The following SEC23A variants were observed in gnomAD, a reference collection of about 807,000 sequenced individuals.
SEC23A encodes the protein protein transport protein Sec23A.
In SEC23A, 56 loss-of-function variants were observed where a neutral mutation model predicts 103.7. The ratio of observed to expected loss-of-function variants is 0.54; its 90% CI spans 0.44 to 0.67. The LOEUF is 0.67. Among genes scored for constraint, SEC23A ranks in the 30% least tolerant of loss-of-function variants. The pLI, the probability that SEC23A is intolerant of heterozygous loss-of-function variation, is 0.00. For missense variants in SEC23A, 784 were observed against 936.4 expected (o/e 0.84, Z 2.12); for synonymous variants, 281 against 293.0 (o/e 0.96, Z 0.42).
At chr14:39,078,599 T>C (rs1887120121) in intron 7 of SEC23A, among the ~76,000 whole-genome samples, 1 of 152,130 alleles carries the variant, frequency 6.6e-6, no homozygotes, top group Non-Finnish European at 1.5e-5. Flanking sequence ...GGTCTTTGCA[T>C]GAAAATTAGA....
chr14:39,103,152 C>CCGCAAT lies in SEC23A; in HGVS notation c.-148_-143dup, dbSNP rs1179128595. ...CGCCCAGCAGGAGCAGTCCGTGGCA[C>CCGCAAT]CGCAATCAGGGGTGGCGCCACCCCG... On this transcript the variant is annotated 5_prime_UTR_variant, in exon 1 of 20. Transcript: ENST00000307712. The CCGCAAT allele has an allele frequency of 6.6e-6, 1 of 152,334 alleles. No individual in the cohort carries two copies. The highest frequency in any genetic ancestry group is 2.4e-5 in the African/African-American group (1 of 41,430). 9.4% of individuals were successfully genotyped at this position (152,334 alleles called of 1,614,324 possible). A position where few individuals can be genotyped will look rare whatever the true frequency, so the allele number is the denominator to read the frequency against.
At chr14:39,055,971 TATGAG>T (rs1441820795) in intron 13 of SEC23A, among the ~76,000 whole-genome samples, 1 of 152,236 alleles carries the variant, frequency 6.6e-6, no homozygotes, top group Non-Finnish European at 1.5e-5. Context: ...TAGCGAAGGT[TATGAG>T]ATAAGCCTGT....
In SEC23A at chr14:39,090,947, G is replaced by A; in HGVS notation, c.603+530C>T. 1.2e-5 allele frequency: 4 copies of A among 323,850 alleles called. 1 individual carries two copies. Among genetic ancestry groups the A allele is most frequent in the South Asian group, 1.1e-4 (4 of 37,232 alleles). 20.1% of individuals were successfully genotyped at this position (323,850 alleles called of 1,614,324 possible). A position where few individuals can be genotyped will look rare whatever the true frequency, so the allele number is the denominator to read the frequency against. On this transcript the variant is annotated intron_variant, in intron 5 of 19. Transcript: ENST00000307712. ...ATCAGGAGCTTCATCTGCAATGTAG[G>A]GGCTGGTGGACCTGCTCCAACAGTT...
chr14:39,058,340 G>A (rs1011052511), intron 13 of SEC23A, among the ~76,000 whole-genome samples: 8 of 148,678 alleles, frequency 5.4e-5, no homozygotes, highest in Non-Finnish European at 1.0e-4. Context: ...TCGCTCTGTC[G>A]CCCAGGCTGG....
intron 7 of SEC23A, among the ~76,000 whole-genome samples, chr14:39,076,551 C>T (rs538010509): frequency 2.0e-5 from 3 of 151,140 alleles, no homozygotes; most frequent in South Asian, 2.1e-4. Flanking sequence ...GAGAAGCACA[C>T]GCCACTGCAC....
At chr14:39,072,404 C>A (rs1439259277) in intron 9 of SEC23A, among the ~76,000 whole-genome samples, 1 of 152,114 alleles carries the variant, frequency 6.6e-6, no homozygotes, top group African/African-American at 2.4e-5. Context: ...CAAAGATATA[C>A]ACATGGCCAG....
rs1885792109 is a variant in SEC23A at position 39,045,301 on chromosome 14, A to T, written c.1761T>A (p.Ser587=). 6.2e-7 allele frequency: 1 copy of T among 1,609,488 alleles called. No homozygotes were observed. The highest frequency in any genetic ancestry group is 1.1e-5 in the South Asian group (1 of 90,976). ...TATTGTTAAAAACTTGCAGGAAAGA[A>T]GATCTTCTTAAATGAAACATAAACT... ...YPQFMFHLRR[S]SFLQVFNNSP... is the part of the protein sequence containing the mutation. The change falls in exon 16 of 20, where the codon TCT becomes TCA. Residue 587 remains serine (S), a synonymous_variant. Coordinates refer to ENST00000307712, the MANE Select transcript of SEC23A (RefSeq NM_006364.4).
intron 19 of SEC23A, among the ~76,000 whole-genome samples, chr14:39,038,745 T>C (rs1193984047): frequency 6.6e-6 from 1 of 152,246 alleles, no homozygotes; most frequent in East Asian, 1.9e-4. Flanking sequence ...TCGTGGCCTT[T>C]TGTGGTTCAC....
chr14:39,060,395 A>G (rs1193445130), intron 13 of SEC23A, among the ~76,000 whole-genome samples: 1 of 152,194 alleles, frequency 6.6e-6, no homozygotes, highest in Non-Finnish European at 1.5e-5. Flanking sequence ...TCACTCAACA[A>G]AAGTCTTAAG....
chr14:39,078,291 G>GTTT (rs1887108960), intron 7 of SEC23A, among the ~76,000 whole-genome samples: 1 of 151,246 alleles, frequency 6.6e-6, no homozygotes, highest in African/African-American at 2.4e-5. Context: ...TTTAAAGATA[G>GTTT]GAAATAATGC....
intron 10 of SEC23A, among the ~76,000 whole-genome samples, chr14:39,065,793 G>A (rs1171655010): frequency 6.6e-6 from 1 of 152,034 alleles, no homozygotes; most frequent in African/African-American, 2.4e-5. Flanking sequence ...AAGGTCGGGA[G>A]TTCAAGACCA....
intron 11 of SEC23A, chr14:39,064,684 G>A: frequency 1.9e-6 from 1 of 534,748 alleles, no homozygotes; most frequent in Non-Finnish European, 3.4e-6. Flanking sequence ...AATGCTATAG[G>A]CTGCCACCCC....
chr14:39,033,263 TTTC>T lies in SEC23A; in HGVS notation c.2271_2273del (p.Lys758del). 1 of 1,612,834 alleles carries T rather than the reference TTTC, an allele frequency of 6.2e-7. No individual in the cohort carries two copies. The highest frequency in any genetic ancestry group is 8.5e-7 in the Non-Finnish European group (1 of 1,178,844). The stretch of plus-strand genomic sequence containing the variant: ...TTCAAGCAGCACTGGACACAGCAAG[TTTC>T]TTCAAGTGATCCATAAACACTTGTA... On this transcript the variant is annotated inframe_deletion, in exon 20 of 20. Transcript: ENST00000307712.
chr14:39,077,904 G>T (rs930540831), intron 7 of SEC23A, among the ~76,000 whole-genome samples: 1 of 151,710 alleles, frequency 6.6e-6, no homozygotes, highest in Admixed American at 6.6e-5. Context: ...CTGTACTCCA[G>T]CCAGGATGAC....
intron 19 of SEC23A, among the ~76,000 whole-genome samples, chr14:39,038,232 TTTC>T (rs1386486918): frequency 6.6e-6 from 1 of 152,220 alleles, no homozygotes; most frequent in Non-Finnish European, 1.5e-5. Flanking sequence ...AAATGAAATG[TTTC>T]TTTTTTCTGA....
At chr14:39,064,270 A>G (rs944895544) in intron 11 of SEC23A, among the ~76,000 whole-genome samples, 72 of 152,128 alleles carry the variant, frequency 4.7e-4, no homozygotes, top group African/African-American at 1.7e-3. Flanking sequence ...CCCACTTTGT[A>G]TTATTTGTCC....
chr14:39,042,904 A>C, intron 16 of SEC23A, 32 bp from the exon 17 acceptor site: 1 of 1,394,414 alleles, frequency 7.2e-7, no homozygotes, highest in Non-Finnish European at 1.0e-6. Context: ...GAAATGAGGA[A>C]AAAGGAAAAA....
chr14:39,048,858 T>C (rs1432411027), intron 14 of SEC23A, 129 bp from the exon 15 acceptor site: 4 of 630,050 alleles, frequency 6.3e-6, no homozygotes, highest in African/African-American at 5.5e-5. Flanking sequence ...AATAAAATTA[T>C]AATATTACTT....
intron 7 of SEC23A, among the ~76,000 whole-genome samples, chr14:39,083,364 A>C (rs998520541): frequency 1.3e-5 from 2 of 151,748 alleles, no homozygotes; most frequent in African/African-American, 4.8e-5. Context: ...CCTGTCTCTC[A>C]CCTATCTGTG....
Sources: gnomAD v4.1 joint callset for allele counts (sites outside exome capture counted in the v4.1 genomes callset) on GRCh38, gnomAD v4.1.1 for gene constraint, MANE v1.5 for transcripts, NCBI Gene and HGNC (gene_info 2026-07-23, HGNC 2026-07-21) for gene names.